The following NPEPPS variants were observed in gnomAD, a reference collection of about 807,000 sequenced individuals.
NPEPPS encodes puromycin-sensitive aminopeptidase.
A neutral mutation model predicts 115.5 loss-of-function variants in NPEPPS; 14 were observed. That is an observed-to-expected ratio of 0.12 (90% CI 0.08 to 0.19). NPEPPS has a LOEUF of 0.19. Ranked by LOEUF, NPEPPS falls within the 10% of genes least tolerant of loss-of-function variation. NPEPPS has a pLI of 1.00. For missense variants in NPEPPS, 523 were observed against 1,110.8 expected (o/e 0.47, Z 7.52); for synonymous variants, 285 against 390.6 (o/e 0.73, Z 3.19).
rs199732684 is a variant in NPEPPS, at chr17:47,612,682, G to A, written c.2238+80G>A. ...ATGGAACTTTTTTTTTTTTTTTTTT[G>A]AGACAGAGTCTTGCTCTGTCGCCCA... On this transcript the variant is annotated intron_variant, in intron 18 of 22. Transcript: ENST00000322157. 1.4e-5 allele frequency: 13 copies of A among 956,734 alleles called. No homozygotes were observed. In the Middle Eastern group the frequency reaches 1.1e-3, roughly 79 times the overall value. The allele number at this position is 956,734 out of a possible 1,614,324, so 59.3% of individuals were successfully genotyped here. A position where few individuals can be genotyped will look rare whatever the true frequency, so the allele number is the denominator to read the frequency against.
At chr17:47,572,846 G>A (rs1483426822) in intron 3 of NPEPPS, among the ~76,000 whole-genome samples, 1 of 152,128 alleles carries the variant, frequency 6.6e-6, no homozygotes, top group Non-Finnish European at 1.5e-5. Flanking sequence ...TGCGATCTCG[G>A]CTCACCACAG....
intron 1 of NPEPPS, among the ~76,000 whole-genome samples, chr17:47,525,008 T>C (rs962915284): frequency 1.1e-4 from 16 of 151,806 alleles, no homozygotes; most frequent in Non-Finnish European, 1.9e-4. Context: ...CTGTTAAAAG[T>C]AGGGCTAAGG....
At position 47,586,706 on chromosome 17, in the gene NPEPPS, C is replaced by T; in HGVS notation, c.980+308C>T. 1.6e-5 allele frequency: 8 copies of T among 506,012 alleles called. No homozygotes were observed. The Middle Eastern group carries it at 2.4e-3, about 151-fold the overall frequency. The allele number at this position is 506,012 out of a possible 1,614,324, so 31.3% of individuals were successfully genotyped here. A position where few individuals can be genotyped will look rare whatever the true frequency, so the allele number is the denominator to read the frequency against. ...CAGCTTGGAGAACCTTCCCTAATTT[C>T]ATATCTTCTAGCCAAGTTTTTACAT... is the stretch of plus-strand genomic sequence containing the variant. On this transcript the variant is annotated intron_variant, in intron 8 of 22. Coordinates refer to ENST00000322157, the MANE Select transcript of NPEPPS (RefSeq NM_006310.4).
intron 2 of NPEPPS, among the ~76,000 whole-genome samples, chr17:47,556,222 G>A (rs1281165045): frequency 1.3e-5 from 2 of 151,086 alleles, no homozygotes; most frequent in Admixed American, 6.6e-5. Context: ...AGGACCCTGC[G>A]GCCTTTTTTT....
At chr17:47,618,906 AGT>A in intron 20 of NPEPPS, 101 bp from the exon 21 acceptor site, 2 of 995,168 alleles carry the variant, frequency 2.0e-6, no homozygotes, top group Non-Finnish European at 3.0e-6. Flanking sequence ...ACAAGGAATA[AGT>A]GTCTTCAGTG....
chr17:47,581,450 T>G (rs1911868044), intron 4 of NPEPPS: 1 of 152,202 alleles, frequency 6.6e-6, no homozygotes, highest in South Asian at 2.1e-4. Flanking sequence ...TAATTGCTTT[T>G]ATCACTTTGT....
intron 18 of NPEPPS, among the ~76,000 whole-genome samples, chr17:47,613,257 CTTTT>C (rs753383358): frequency 0.019 from 1,859 of 98,058 alleles, 14 homozygotes; most frequent in East Asian, 0.14. Flanking sequence ...ATAATATTTA[CTTTT>C]TTTTTTTTTT....
intron 1 of NPEPPS, among the ~76,000 whole-genome samples, chr17:47,537,111 G>A (rs1297666690): frequency 6.6e-6 from 1 of 151,232 alleles, no homozygotes; most frequent in African/African-American, 2.4e-5. Flanking sequence ...AATTGCTTGA[G>A]CACAGGAGTT....
At chr17:47,564,462 A>G (rs1297032448) in intron 2 of NPEPPS, among the ~76,000 whole-genome samples, 3 of 152,090 alleles carry the variant, frequency 2.0e-5, no homozygotes, top group African/African-American at 4.8e-5. Flanking sequence ...TATATACCTT[A>G]TAAGATTCTC....
At chr17:47,588,487 C>T (rs1342027885) in intron 9 of NPEPPS, among the ~76,000 whole-genome samples, 1 of 151,718 alleles carries the variant, frequency 6.6e-6, no homozygotes, top group African/African-American at 2.4e-5. Flanking sequence ...TCACTTGAAC[C>T]TGGGAGGCAG....
chr17:47,536,030 G>T (rs965278099), intron 1 of NPEPPS, among the ~76,000 whole-genome samples: 4 of 151,754 alleles, frequency 2.6e-5, no homozygotes, highest in African/African-American at 9.7e-5. Flanking sequence ...GTGGAGATGG[G>T]GTTTCACCAT....
rs1387613179 is a variant in NPEPPS at position 47,622,786 on chromosome 17, T to G, written c.*866T>G. ...AGGTGAGACAATAGAAATAAAAAGA[T>G]CTTCAGCCAGGCCTTTCTGAAGGAG... On this transcript the variant is annotated 3_prime_UTR_variant, in exon 23 of 23. Transcript: ENST00000322157. 1 of 431,294 alleles carries G rather than the reference T, an allele frequency of 2.3e-6. No homozygotes were observed. Among genetic ancestry groups the G allele is most frequent in the East Asian group, 7.2e-5 (1 of 13,884 alleles). 26.7% of individuals were successfully genotyped at this position (431,294 alleles called of 1,614,324 possible).
chr17:47,619,065 C>T lies in NPEPPS; in HGVS notation c.2460C>T (p.Ser820=). Residue 820 remains serine, a synonymous_variant, in exon 21 of 23, where the codon AGC becomes AGT. Transcript: ENST00000322157. ...TAATTGGTGGAGTAGCTGGAGGCAG[C>T]AAGCATGGTAGGAAAGCTGCTTGGA... ...VSVIGGVAGG[S]KHGRKAAWKF... 1 of 1,613,900 alleles carries T rather than the reference C, an allele frequency of 6.2e-7. No individual in the cohort carries two copies. Among genetic ancestry groups the T allele is most frequent in the Non-Finnish European group, 8.5e-7 (1 of 1,179,852 alleles).
At chr17:47,580,167 C>A (rs1301753361) in intron 4 of NPEPPS, 1 of 152,064 alleles carries the variant, frequency 6.6e-6, no homozygotes, top group Non-Finnish European at 1.5e-5. Flanking sequence ...TGTTTCTGCC[C>A]ATATCCCTAT....
At chr17:47,595,679 C>CA (rs1424993276) in intron 12 of NPEPPS, among the ~76,000 whole-genome samples, 1 of 151,524 alleles carries the variant, frequency 6.6e-6, no homozygotes. Flanking sequence ...CCCATCTCTA[C>CA]AAAAAATTGC....
At chr17:47,580,442 C>T (rs1261650086) in intron 4 of NPEPPS, 14 of 152,216 alleles carry the variant, frequency 9.2e-5, no homozygotes, top group African/African-American at 3.1e-4. Context: ...AATGTAATTC[C>T]TGAGCCTTTG....
intron 2 of NPEPPS, among the ~76,000 whole-genome samples, chr17:47,561,970 G>A (rs1910458227): frequency 6.6e-6 from 1 of 152,228 alleles, no homozygotes; most frequent in African/African-American, 2.4e-5. Flanking sequence ...ACTGTCCAGT[G>A]AAATCCTGGA....
chr17:47,544,831 G>A (rs539015569), intron 1 of NPEPPS, among the ~76,000 whole-genome samples: 26 of 142,124 alleles, frequency 1.8e-4, no homozygotes, highest in African/African-American at 6.6e-4. Flanking sequence ...TCCTGCCCCT[G>A]CATCGTGAGT....
intron 1 of NPEPPS, among the ~76,000 whole-genome samples, chr17:47,539,649 T>G (rs1704493337): frequency 6.6e-6 from 1 of 152,198 alleles, no homozygotes; most frequent in Non-Finnish European, 1.5e-5. Context: ...TTCCTATGTA[T>G]AGTTTAAAAC....
Sources: allele counts gnomAD v4.1 joint callset (sites outside exome capture counted in the v4.1 genomes callset), GRCh38; gene constraint gnomAD v4.1.1; transcripts MANE v1.5; gene names NCBI Gene and HGNC (gene_info 2026-07-23, HGNC 2026-07-21).